PRDM16: variants seen among roughly 807,000 people sequenced by gnomAD.
The protein encoded by PRDM16 is PR/SET domain 16, also known as histone-lysine N-methyltransferase PRDM16.
PRDM16 carries 23 observed loss-of-function variants against 110.6 expected under a neutral mutation model. The ratio of observed to expected loss-of-function variants is 0.21; its 90% confidence interval spans 0.15 to 0.29. The LOEUF (loss-of-function observed/expected upper bound fraction) is 0.29. Ranked by LOEUF, PRDM16 falls within the 10% of genes least tolerant of loss-of-function variation. The pLI is 1.00. For synonymous variants in PRDM16, 799 were observed against 781.8 expected (o/e 1.02, Z -0.37); for missense variants, 1,615 against 1,794.3 (o/e 0.90, Z 1.81).
intron 14 of PRDM16, among the ~76,000 whole-genome samples, chr1:3,428,510 G>A (rs1030662306): frequency 3.3e-5 from 5 of 152,190 alleles, no homozygotes; most frequent in African/African-American, 4.8e-5. Context: ...TCAGGCCCTC[G>A]GAAGACCCGT....
At chr1:3,302,508 TAAA>T (rs35595493) in intron 3 of PRDM16, among the ~76,000 whole-genome samples, 6 of 151,196 alleles carry the variant, frequency 4.0e-5, no homozygotes, top group African/African-American at 1.5e-4. Context: ...ATCCATTTGT[TAAA>T]AAAAAAATGC....
chr1:3,200,893 G>C (rs1032064159), intron 2 of PRDM16, among the ~76,000 whole-genome samples: 1 of 151,970 alleles, frequency 6.6e-6, no homozygotes, highest in African/African-American at 2.4e-5. Flanking sequence ...ACGAGGACAA[G>C]AGCCGAACCG....
At chr1:3,395,875 G>T (rs1162748125) in intron 4 of PRDM16, among the ~76,000 whole-genome samples, 1 of 152,194 alleles carries the variant, frequency 6.6e-6, no homozygotes, top group African/African-American at 2.4e-5. Flanking sequence ...GAGCCCACCA[G>T]TTCTCAAGGG....
chr1:3,157,491 G>T lies in PRDM16; in HGVS notation c.38-28634G>T, dbSNP rs1643868581. ...GATTGTCTCTTGAAAACAGACATGG[G>T]CCAGATCCAGTTGTTTGGTAGGATA... On this transcript the variant is annotated intron_variant, in intron 1 of 16. Coordinates refer to ENST00000270722, the MANE Select transcript of PRDM16 (RefSeq NM_022114.4). The surrounding 1 kb of genome is among the most constrained non-coding windows in gnomAD (Gnocchi z 4.8). Among the ~76,000 whole-genome samples, 1 of 150,658 alleles carries T rather than the reference G, an allele frequency of 6.6e-6. No homozygotes were observed. The highest frequency in any genetic ancestry group is 1.5e-5 in the Non-Finnish European group (1 of 67,896).
At position 3,358,988 on chromosome 1, in the gene PRDM16, C is replaced by T. The variant is rs1642664519; in HGVS notation, c.439-26164C>T. Among the ~76,000 whole-genome samples the T allele has an allele frequency of 1.3e-5, 2 of 152,182 alleles. No homozygotes were observed. The highest frequency in any genetic ancestry group is 2.1e-4 in the South Asian group (1 of 4,822). The stretch of plus-strand genomic sequence containing the variant: ...TGGCTCATGTTGTCATCTTGGGTCG[C>T]ATTACAGCCAGTTGACTCGCGGAGT... On this transcript the variant is annotated intron_variant, in intron 3 of 16. Coordinates refer to ENST00000270722, the MANE Select transcript of PRDM16 (RefSeq NM_022114.4). The surrounding 1 kb of genome is among the most constrained non-coding windows in gnomAD (Gnocchi z 4.0).
At chr1:3,277,057 T>C (rs892449858) in intron 3 of PRDM16, among the ~76,000 whole-genome samples, 1 of 151,670 alleles carries the variant, frequency 6.6e-6, no homozygotes, top group Non-Finnish European at 1.5e-5. Flanking sequence ...CTCTTGCATT[T>C]CCCCCAGGAC....
intron 3 of PRDM16, among the ~76,000 whole-genome samples, chr1:3,256,472 A>G (rs938852310): frequency 2.6e-5 from 4 of 152,156 alleles, no homozygotes; most frequent in Non-Finnish European, 4.4e-5. Context: ...GGTGTTCATC[A>G]CGGGGGAATT....
intron 3 of PRDM16, among the ~76,000 whole-genome samples, chr1:3,384,211 A>G (rs534570260): frequency 1.3e-5 from 2 of 152,296 alleles, no homozygotes; most frequent in East Asian, 3.9e-4. Flanking sequence ...CCACAGAGAC[A>G]TAGCCTTTCT....
chr1:3,182,917 TC>T (rs1644228167), intron 1 of PRDM16, among the ~76,000 whole-genome samples: 1 of 152,106 alleles, frequency 6.6e-6, no homozygotes, highest in African/African-American at 2.4e-5. Flanking sequence ...ACCTCTTCCC[TC>T]CCGAGCTCCC....
At position 3,195,144 on chromosome 1, in the gene PRDM16, C is replaced by T. The variant is rs139589805; in HGVS notation, c.387+8670C>T. ...AGAGACGGGGCCCTGTGGGATGGTG[C>T]GGAGCCTGAGGCCACCGTGGGGACA... On this transcript the variant is annotated intron_variant, in intron 2 of 16. Coordinates refer to ENST00000270722, the MANE Select transcript of PRDM16 (RefSeq NM_022114.4). Among the ~76,000 whole-genome samples, 672 of 152,258 alleles carry T rather than the reference C, an allele frequency of 4.4e-3. 5 individuals carry two copies. The highest frequency in any genetic ancestry group is 0.015 in the African/African-American group (641 of 41,556).
intron 3 of PRDM16, among the ~76,000 whole-genome samples, chr1:3,251,056 G>A (rs1639918219): frequency 6.6e-6 from 1 of 152,216 alleles, no homozygotes; most frequent in African/African-American, 2.4e-5. Flanking sequence ...TCCAGTAGGA[G>A]ACGAAACATC....
chr1:3,282,987 T>A (rs1310485467), intron 3 of PRDM16, among the ~76,000 whole-genome samples: 1 of 152,234 alleles, frequency 6.6e-6, no homozygotes, highest in Non-Finnish European at 1.5e-5. Context: ...GACACTGTCA[T>A]CTTTCAGTGC....
At chr1:3,093,250 C>T (rs1476964795) in intron 1 of PRDM16, among the ~76,000 whole-genome samples, 2 of 152,198 alleles carry the variant, frequency 1.3e-5, no homozygotes, top group Admixed American at 6.5e-5. Flanking sequence ...CAGGCTAGCC[C>T]GATGTCAGAG....
chr1:3,396,865 GCAGTGGGCAAACTGGTATC>G, intron 5 of PRDM16, among the ~76,000 whole-genome samples: 1 of 152,242 alleles, frequency 6.6e-6, no homozygotes, highest in Non-Finnish European at 1.5e-5. Context: ...AGGGCTTCGG[GCAGTGGGCAAACTGGTATC>G]CAGTGGATTA....
intron 1 of PRDM16, among the ~76,000 whole-genome samples, chr1:3,139,506 C>T (rs927208220): frequency 6.6e-6 from 1 of 152,252 alleles, no homozygotes; most frequent in Non-Finnish European, 1.5e-5. Flanking sequence ...TCGGGGGCTG[C>T]AGACCCAGGC....
At chr1:3,222,778 T>C (rs1172172099) in intron 2 of PRDM16, among the ~76,000 whole-genome samples, 1 of 152,212 alleles carries the variant, frequency 6.6e-6, no homozygotes. Context: ...GGATGCAGGC[T>C]TGGTTCTGGA....
In PRDM16 at chr1:3,435,089, G is replaced by GC. The variant is rs539551117; in HGVS notation, c.*1284dup. 6.9e-4 allele frequency: 157 copies of GC among 227,024 alleles called. 3 individuals are homozygous for GC. The South Asian group carries it at 0.027, about 39-fold the overall frequency. The allele number at this position is 227,024 out of a possible 1,614,324, so 14.1% of individuals were successfully genotyped here. On this transcript the variant is annotated 3_prime_UTR_variant, in exon 17 of 17. Transcript: ENST00000270722. ...TGCCGCAAGGAGCAGAGACAGCACA[G>GC]CCCCCCGGGCCCAGCCGCCTCCCTC...
At chr1:3,388,875 G>A in intron 4 of PRDM16, among the ~76,000 whole-genome samples, 1 of 152,176 alleles carries the variant, frequency 6.6e-6, no homozygotes, top group Non-Finnish European at 1.5e-5. Flanking sequence ...GCATTCAGAT[G>A]GGGTCTGGGG....
chr1:3,107,049 C>G (rs2100630820), intron 1 of PRDM16, among the ~76,000 whole-genome samples: 1 of 152,328 alleles, frequency 6.6e-6, no homozygotes, highest in Non-Finnish European at 1.5e-5. Flanking sequence ...TGGGCTTAAG[C>G]CTGGCAAGAG....
Sources: gnomAD v4.1 joint callset for allele counts (sites outside exome capture counted in the v4.1 genomes callset) on GRCh38, gnomAD v4.1.1 for gene constraint, Gnocchi (gnomAD v3.1) non-coding constraint, MANE v1.5 for transcripts, NCBI Gene and HGNC (gene_info 2026-07-23, HGNC 2026-07-21) for gene names.